The following AGMO variants were observed in gnomAD, a reference collection of about 807,000 sequenced individuals.
The protein encoded by AGMO is alkylglycerol monooxygenase, also known as glyceryl-ether monooxygenase.
Under a neutral mutation model 60.2 loss-of-function variants are expected in AGMO, and 75 were observed. That is an observed-to-expected ratio of 1.25 (90% confidence interval 1.03 to 1.51). The LOEUF (loss-of-function observed/expected upper bound fraction) is 1.51. AGMO is among the 40% of genes most tolerant of loss of function. The pLI, the probability that AGMO is intolerant of heterozygous loss-of-function variation, is 0.00. For missense variants in AGMO, 763 were observed against 525.5 expected (o/e 1.45, Z -4.42); for synonymous variants, 261 against 177.1 (o/e 1.47, Z -3.76).
chr7:15,280,117 G>T (rs1488935743), intron 12 of AGMO, among the ~76,000 whole-genome samples: 1 of 152,138 alleles, frequency 6.6e-6, no homozygotes, highest in African/African-American at 2.4e-5. Flanking sequence ...CAGAAATTGG[G>T]CACCCCAGGT....
At chr7:15,300,091 T>G (rs1320929911) in intron 12 of AGMO, among the ~76,000 whole-genome samples, 1 of 151,872 alleles carries the variant, frequency 6.6e-6, no homozygotes, top group Non-Finnish European at 1.5e-5. Flanking sequence ...GAATTGGAAG[T>G]AATAGAAAGG....
downstream of AGMO, among the ~76,000 whole-genome samples, chr7:15,195,736 A>T (rs1278429047): frequency 6.6e-6 from 1 of 152,142 alleles, no homozygotes; most frequent in Non-Finnish European, 1.5e-5. Context: ...AGAAAAGAAA[A>T]TGATTTAGGA....
chr7:15,396,605 C>A (rs1221717207), intron 5 of AGMO: 2 of 152,220 alleles, frequency 1.3e-5, no homozygotes, highest in Non-Finnish European at 2.9e-5. Flanking sequence ...AGCTTTTATT[C>A]CCTTATCCGG....
At chr7:15,210,578 G>C (rs1156453519) in intron 12 of AGMO, among the ~76,000 whole-genome samples, 1 of 152,024 alleles carries the variant, frequency 6.6e-6, no homozygotes, top group Non-Finnish European at 1.5e-5. Flanking sequence ...TTTACCTAAA[G>C]GAATTGGAGC....
chr7:15,203,044 G>A, intron 12 of AGMO, among the ~76,000 whole-genome samples: 1 of 152,098 alleles, frequency 6.6e-6, no homozygotes, highest in East Asian at 1.9e-4. Flanking sequence ...GTTGTGCAGG[G>A]TGCTGGAATC....
chr7:15,373,213 G>A (rs1489047038), intron 10 of AGMO, among the ~76,000 whole-genome samples: 9 of 151,880 alleles, frequency 5.9e-5, no homozygotes, highest in Non-Finnish European at 7.4e-5. Flanking sequence ...GGGAGGAGGT[G>A]GTTTCAGTGA....
intron 12 of AGMO, among the ~76,000 whole-genome samples, chr7:15,235,434 T>A (rs1449835362): frequency 6.6e-6 from 1 of 152,160 alleles, no homozygotes; most frequent in African/African-American, 2.4e-5. Flanking sequence ...CAAGTAAGGT[T>A]GAAATTTAAG....
the AGMO span, among the ~76,000 whole-genome samples, chr7:15,181,436 T>C: frequency 2.0e-5 from 3 of 152,180 alleles, no homozygotes; most frequent in South Asian, 6.2e-4. Context: ...CAAACGAAAC[T>C]ATTTTATCAG....
At chr7:15,153,927 C>T in the AGMO span, among the ~76,000 whole-genome samples, 1 of 151,948 alleles carries the variant, frequency 6.6e-6, no homozygotes, top group Non-Finnish European at 1.5e-5. Flanking sequence ...TTGTAGATTA[C>T]TTTTGGCAAT....
chr7:15,332,011 C>A (rs902842025), intron 12 of AGMO, among the ~76,000 whole-genome samples: 5 of 151,886 alleles, frequency 3.3e-5, no homozygotes, highest in Admixed American at 2.0e-4. Context: ...CTCCAATGGG[C>A]AATCTTCTAC....
intron 4 of AGMO, among the ~76,000 whole-genome samples, chr7:15,424,537 TA>T (rs2128496176): frequency 6.6e-6 from 1 of 152,330 alleles, no homozygotes; most frequent in African/African-American, 2.4e-5. Flanking sequence ...AGAATAATTT[TA>T]TTTTTTACCA....
intron 3 of AGMO, among the ~76,000 whole-genome samples, chr7:15,522,986 A>C (rs1050698835): frequency 2.6e-5 from 4 of 152,336 alleles, no homozygotes; most frequent in African/African-American, 7.2e-5. Context: ...CAAAGAACTT[A>C]AACAAATTTA....
chr7:15,476,518 T>C (rs553177745), intron 3 of AGMO, among the ~76,000 whole-genome samples: 20 of 152,226 alleles, frequency 1.3e-4, no homozygotes, highest in Non-Finnish European at 1.2e-4. Context: ...TAAGTTATTA[T>C]CTCTGTAACA....
At chr7:15,441,963 T>C (rs372844620) in intron 3 of AGMO, among the ~76,000 whole-genome samples, 1 of 152,188 alleles carries the variant, frequency 6.6e-6, no homozygotes, top group African/African-American at 2.4e-5. Flanking sequence ...TAATCAGGAC[T>C]TCCTATTGGT....
At chr7:15,406,875 C>T (rs1434936450) in intron 5 of AGMO, among the ~76,000 whole-genome samples, 5 of 110,352 alleles carry the variant, frequency 4.5e-5, no homozygotes, top group Admixed American at 9.3e-5. Context: ...TTAGTGACAA[C>T]GGTGCCAGTT....
intron 12 of AGMO, among the ~76,000 whole-genome samples, chr7:15,299,825 CTACA>C (rs1224560934): frequency 1.8e-5 from 2 of 108,114 alleles, no homozygotes; most frequent in Admixed American, 1.1e-4. Flanking sequence ...AAGACTCTGT[CTACA>C]TACACACACA....
At chr7:15,329,674 C>T (rs898878713) in intron 12 of AGMO, among the ~76,000 whole-genome samples, 3 of 152,114 alleles carry the variant, frequency 2.0e-5, no homozygotes, top group Non-Finnish European at 4.4e-5. Context: ...TATATCCTGT[C>T]CATTATTATG....
chr7:15,264,164 T>C (rs1284893014), intron 12 of AGMO, among the ~76,000 whole-genome samples: 1 of 151,924 alleles, frequency 6.6e-6, no homozygotes, highest in Non-Finnish European at 1.5e-5. Context: ...GTTGTGTGCA[T>C]CTAAAATAAT....
At chr7:15,181,722 T>C in the AGMO span, among the ~76,000 whole-genome samples, 2 of 152,286 alleles carry the variant, frequency 1.3e-5, no homozygotes, top group East Asian at 1.9e-4. Context: ...TTATTTTTGA[T>C]GGTAGTGTTT....
Sources: allele counts gnomAD v4.1 joint callset (sites outside exome capture counted in the v4.1 genomes callset), GRCh38; gene constraint gnomAD v4.1.1; transcripts MANE v1.5; gene names NCBI Gene and HGNC (gene_info 2026-07-23, HGNC 2026-07-21).